SNTB1: variants seen among roughly 807,000 people sequenced by gnomAD.
The protein encoded by SNTB1 is syntrophin beta 1, also known as beta-1-syntrophin.
Under a neutral mutation model 48.9 loss-of-function variants are expected in SNTB1, and 36 were observed. That is an observed-to-expected ratio of 0.74 (90% CI 0.56 to 0.97). The LOEUF is 0.97. Among genes scored for constraint, SNTB1 ranks in the 50% least tolerant of loss-of-function variants. SNTB1 has a pLI of 0.00. For synonymous variants in SNTB1, 299 were observed against 294.6 expected, an observed-to-expected ratio of 1.01 and a Z score of -0.15; for missense variants, 786 against 703.4, an observed-to-expected ratio of 1.12 and a Z score of -1.33.
intron 2 of SNTB1, among the ~76,000 whole-genome samples, chr8:120,670,924 G>A (rs1379836192): frequency 6.6e-6 from 1 of 152,118 alleles, no homozygotes; most frequent in Non-Finnish European, 1.5e-5. Context: ...GAGACATTAG[G>A]TAAAATGCTC....
chr8:120,705,368 C>T (rs1449742008), intron 1 of SNTB1, among the ~76,000 whole-genome samples: 1 of 152,176 alleles, frequency 6.6e-6, no homozygotes, highest in Non-Finnish European at 1.5e-5. Flanking sequence ...CTGAAAGGTA[C>T]ACTACAATTA....
At chr8:120,804,741 A>C (rs1820298920) in intron 1 of SNTB1, among the ~76,000 whole-genome samples, 1 of 152,066 alleles carries the variant, frequency 6.6e-6, no homozygotes, top group Non-Finnish European at 1.5e-5. Flanking sequence ...ATGGTCCTCA[A>C]TTCCTTACTT....
Position 120,736,479 on chromosome 8 carries a change from T to C in SNTB1, c.572-42571A>G, listed in dbSNP as rs374038346. Among the ~76,000 whole-genome samples the C allele has an allele frequency of 1.1e-4, 16 of 152,328 alleles. No homozygotes were observed. The East Asian group carries it at 1.9e-3, about 18-fold the overall frequency. ...AAGAATAACAAGGAGCCAATGACCA[T>C]GAACCTGCTTACTGCCGAATTCTAT... On this transcript the variant is annotated intron_variant, in intron 1 of 6. Transcript: ENST00000517992.
intron 2 of SNTB1, among the ~76,000 whole-genome samples, chr8:120,639,307 G>T (rs956423412): frequency 2.0e-5 from 3 of 152,152 alleles, no homozygotes; most frequent in African/African-American, 7.2e-5. Context: ...CAGAAGAGTA[G>T]ATTGCAAAAA....
At chr8:120,567,790 T>C in intron 4 of SNTB1, among the ~76,000 whole-genome samples, 1 of 142,972 alleles carries the variant, frequency 7.0e-6, no homozygotes, top group South Asian at 2.1e-4. Flanking sequence ...TATAATAAAT[T>C]TTTTAAAAAC....
intron 3 of SNTB1, among the ~76,000 whole-genome samples, chr8:120,583,529 A>T (rs1356529660): frequency 6.7e-6 from 1 of 148,340 alleles, no homozygotes; most frequent in African/African-American, 2.5e-5. Flanking sequence ...ACACACACAC[A>T]CACACACACA....
chr8:120,648,321 T>A (rs1158523001), intron 2 of SNTB1, among the ~76,000 whole-genome samples: 1 of 151,484 alleles, frequency 6.6e-6, no homozygotes, highest in Non-Finnish European at 1.5e-5. Context: ...TTCCTTTCCA[T>A]GTTTAGTGCT....
intron 1 of SNTB1, among the ~76,000 whole-genome samples, chr8:120,708,334 G>T (rs1039206197): frequency 6.6e-6 from 1 of 151,686 alleles, no homozygotes; most frequent in African/African-American, 2.4e-5. Context: ...TTTTTAAAAA[G>T]AAAATACTAG....
In SNTB1 at chr8:120,575,174, C is replaced by T; in HGVS notation, c.1048G>A (p.Glu350Lys). ...QWKPALVVLT[E>K]KDLLIYDSMP... ...CTGTCATAGATTAAAAGGTCTTTCTCAGTCAGCACAACCAGGGCTGGTTTC... is the reference window on the plus strand; with the variant it reads ...CTGTCATAGATTAAAAGGTCTTTCTTAGTCAGCACAACCAGGGCTGGTTTC... The change falls in exon 4 of 7, where the codon GAG becomes AAG. Residue 350 changes from glutamate to lysine, a missense_variant. Physicochemically the swap from Glu to Lys is moderately conservative, Grantham distance 56. Transcript: ENST00000517992. 3.1e-6 allele frequency: 5 copies of T among 1,614,134 alleles called. No individual in the cohort carries two copies. The highest frequency in any genetic ancestry group is 4.2e-6 in the Non-Finnish European group (5 of 1,180,018).
chr8:120,711,192 A>T (rs1587107135), intron 1 of SNTB1, among the ~76,000 whole-genome samples: 2 of 152,324 alleles, frequency 1.3e-5, no homozygotes, highest in Admixed American at 1.3e-4. Context: ...TCACTTCATG[A>T]TTCATTTTGT....
At chr8:120,787,491 C>T (rs1229971991) in intron 1 of SNTB1, among the ~76,000 whole-genome samples, 1 of 151,606 alleles carries the variant, frequency 6.6e-6, no homozygotes, top group Non-Finnish European at 1.5e-5. Context: ...AAAAACAATT[C>T]AGGATATGAA....
At chr8:120,560,543 A>G (rs1028111561) in intron 4 of SNTB1, among the ~76,000 whole-genome samples, 1 of 152,234 alleles carries the variant, frequency 6.6e-6, no homozygotes, top group African/African-American at 2.4e-5. Context: ...TATGGTAGTG[A>G]AAGGCAAGAT....
At chr8:120,786,769 AC>A (rs1264152476) in intron 1 of SNTB1, among the ~76,000 whole-genome samples, 1 of 152,032 alleles carries the variant, frequency 6.6e-6, no homozygotes, top group African/African-American at 2.4e-5. Context: ...CCCCTGAAAT[AC>A]CTCATTGCAT....
At chr8:120,811,180 T>A in intron 1 of SNTB1, 93 bp downstream of exon 1, 4 of 1,470,012 alleles carry the variant, frequency 2.7e-6, no homozygotes, top group Non-Finnish European at 3.6e-6. Flanking sequence ...TGTGTCCGCA[T>A]GTGGCCGAGT....
chr8:120,688,906 G>A (rs2129846306), intron 2 of SNTB1, among the ~76,000 whole-genome samples: 1 of 152,016 alleles, frequency 6.6e-6, no homozygotes, highest in Middle Eastern at 3.4e-3. Context: ...GGGAAATGGG[G>A]AAAGAGCAAA....
At chr8:120,771,050 T>C (rs1321226004) in intron 1 of SNTB1, among the ~76,000 whole-genome samples, 1 of 151,830 alleles carries the variant, frequency 6.6e-6, no homozygotes, top group Non-Finnish European at 1.5e-5. Flanking sequence ...GGTCACTCAA[T>C]GGAAGGGTAA....
At chr8:120,747,077 A>G (rs4871112) in intron 1 of SNTB1, among the ~76,000 whole-genome samples, 2 of 114,702 alleles carry the variant, frequency 1.7e-5, no homozygotes, top group Admixed American at 1.9e-4. Flanking sequence ...AGTAAAAAAG[A>G]AAAAAAAAGG....
chr8:120,625,907 A>G (rs1457170579), intron 3 of SNTB1, among the ~76,000 whole-genome samples: 5 of 152,308 alleles, frequency 3.3e-5, no homozygotes, highest in East Asian at 1.9e-4. Context: ...AGCAGTGAGA[A>G]ATTCTGACTT....
rs1263640308 is a variant in SNTB1, at chr8:120,548,854, C to G, written c.1241G>C (p.Arg414Thr). Residue 414 changes from arginine to threonine, a missense_variant, in exon 5 of 7, where the codon AGA becomes ACA. Arg to Thr is a moderately conservative substitution (Grantham distance 71). Coordinates refer to ENST00000517992, the MANE Select transcript of SNTB1 (RefSeq NM_021021.4). ...GGAGAGGTCCCTGCTGGTCTCTGCT[C>G]TGAAGAGATGTGTTTCAATCCCTTG... ...TRQGIETHLF[R>T]AETSRDLSHW... 2 of 1,613,976 alleles carry G rather than the reference C, an allele frequency of 1.2e-6. No homozygotes were observed. Among genetic ancestry groups the G allele is most frequent in the Admixed American group, 3.3e-5 (2 of 60,010 alleles).
Sources: allele counts gnomAD v4.1 joint callset (sites outside exome capture counted in the v4.1 genomes callset), GRCh38; gene constraint gnomAD v4.1.1; transcripts MANE v1.5; gene names NCBI Gene and HGNC (gene_info 2026-07-23, HGNC 2026-07-21).